Variants in CEACAM8 observed in about 807,000 individuals in gnomAD.
CEACAM8 encodes cell adhesion molecule CEACAM8.
In CEACAM8, 31 loss-of-function variants were observed where a neutral mutation model predicts 33.4. The ratio of observed to expected loss-of-function variants is 0.93; its 90% confidence interval spans 0.70 to 1.25. The LOEUF (loss-of-function observed/expected upper bound fraction) is 1.25. CEACAM8 is among the 50% of genes most tolerant of loss of function. The pLI is 0.00. For synonymous variants in CEACAM8, 138 were observed against 164.5 expected (o/e 0.84, Z 1.23); for missense variants, 388 against 434.6 (o/e 0.89, Z 0.95).
intron 4 of CEACAM8, among the ~76,000 whole-genome samples, chr19:42,586,305 T>C (rs1395944333): frequency 1.3e-5 from 2 of 151,672 alleles, no homozygotes; most frequent in Admixed American, 6.6e-5. Flanking sequence ...AAAGGAACCT[T>C]GAAAAAAAAA....
rs764085069 is a variant in CEACAM8, at chr19:42,588,960, G to T, written c.782C>A (p.Ala261Glu). 8 of 1,614,174 alleles carry T rather than the reference G, an allele frequency of 5.0e-6. No homozygotes were observed. The Middle Eastern group carries it at 8.2e-4, about 166-fold the overall frequency. The part of the protein sequence containing the change: ...AGVNLNLSCH[A>E]ASNPPSQYSW... ...ATACTGTGAGGGTGGATTAGAGGCC[G>T]CATGGCAGGAGAGGTTGAGATTTAC... Residue 261 changes from alanine (A) to glutamate (E), a missense_variant, in exon 4 of 6, where the codon GCG (alanine) becomes GAG (glutamate). Coordinates refer to ENST00000244336, the MANE Select transcript of CEACAM8 (RefSeq NM_001816.4).
In CEACAM8 at chr19:42,588,987, C is replaced by T. The variant is rs1339028140; in HGVS notation, c.755G>A (p.Gly252Glu). 2 of 1,614,006 alleles carry T rather than the reference C, an allele frequency of 1.2e-6. No individual in the cohort carries two copies. The highest frequency in any genetic ancestry group is 1.7e-6 in the Non-Finnish European group (2 of 1,180,012). Residue 252 changes from glycine to glutamate, a missense_variant, in exon 4 of 6, where the codon GGG becomes GAG. Transcript: ENST00000244336. ...ATGGCAGGAGAGGTTGAGATTTACC[C>T]CTGCATGGTAATAGGTGTCTGAAGG... is the stretch of plus-strand genomic sequence containing the variant. ...ISPSDTYYHA[G>E]VNLNLSCHAA...
At chr19:42,593,307 TC>T (rs977817261) in intron 2 of CEACAM8, among the ~76,000 whole-genome samples, 3 of 151,984 alleles carry the variant, frequency 2.0e-5, no homozygotes, top group African/African-American at 7.3e-5. Flanking sequence ...TTCTGCTGAG[TC>T]CCCCCATCAG....
chr19:42,589,159 AC>A (rs2042387965), intron 3 of CEACAM8, 121 bp from the exon 4 acceptor site: 1 of 1,246,118 alleles, frequency 8.0e-7, no homozygotes, highest in South Asian at 1.4e-5. Context: ...GTCCCAACCA[AC>A]CCCAACCAAA....
At position 42,583,329 on chromosome 19, in the gene CEACAM8, C is replaced by T. The variant is rs2042284962; in HGVS notation, c.967G>A (p.Val323Ile). ...VRMITVSDAL[V>I]QGSSPGLSAR... Reference sequence around the variant, plus strand: ...GAGAGGCCAGGAGAACTTCCTTGTACTAAAGCATCTGTCATGGAAAGAAAA... The same window carrying T: ...GAGAGGCCAGGAGAACTTCCTTGTATTAAAGCATCTGTCATGGAAAGAAAA... The change falls in exon 5 of 6, where the codon GTA becomes ATA. Residue 323 changes from valine (V) to isoleucine (I), a missense_variant. Val to Ile is a conservative substitution (Grantham distance 29). Coordinates refer to ENST00000244336, the MANE Select transcript of CEACAM8 (RefSeq NM_001816.4). The T allele has an allele frequency of 1.9e-6, 3 of 1,608,384 alleles. No homozygotes were observed. Among genetic ancestry groups the T allele is most frequent in the East Asian group, 4.5e-5 (2 of 44,824 alleles).
chr19:42,589,540 C>G lies in CEACAM8; in HGVS notation c.620G>C (p.Arg207Thr). 1 of 1,614,196 alleles carries G rather than the reference C, an allele frequency of 6.2e-7. No individual in the cohort carries two copies. Among genetic ancestry groups the G allele is most frequent in the Non-Finnish European group, 8.5e-7 (1 of 1,180,036 alleles). The change falls in exon 3 of 6, where the codon AGG becomes ACG. Residue 207 changes from arginine (R) to threonine (T), a missense_variant. Arg to Thr is a moderately conservative substitution (Grantham distance 71, BLOSUM62 -1). Transcript: ENST00000244336. ...NRTLTLLSVTRNDVGPYECEI... is the reference protein window; with the variant it reads ...NRTLTLLSVTTNDVGPYECEI... ...ACATTCATAGGGTCCTACGTCATTC[C>G]TTGTGACACTGAGTAGAGTGAGGGT...
At chr19:42,585,779 A>T (rs747603384) in intron 4 of CEACAM8, among the ~76,000 whole-genome samples, 5 of 152,192 alleles carry the variant, frequency 3.3e-5, no homozygotes, top group African/African-American at 1.2e-4. Flanking sequence ...AGACTTTCAG[A>T]TTGGAAAGAA....
chr19:42,594,696 TC>T, intron 1 of CEACAM8, 68 bp downstream of exon 1: 2 of 1,299,164 alleles, frequency 1.5e-6, no homozygotes, highest in South Asian at 1.2e-5. Flanking sequence ...AGCCCCGTCC[TC>T]CCCAGGAGAC....
chr19:42,587,580 A>AG (rs1242128011), intron 4 of CEACAM8, among the ~76,000 whole-genome samples: 2 of 152,234 alleles, frequency 1.3e-5, no homozygotes, highest in Non-Finnish European at 2.9e-5. Context: ...GGAGGTTGCC[A>AG]GGGGTTAGAG....
chr19:42,584,203 T>TAC (rs568291319), intron 4 of CEACAM8, among the ~76,000 whole-genome samples: 5,657 of 149,098 alleles, frequency 0.038, 122 homozygotes, highest in Middle Eastern at 0.059. Flanking sequence ...AGATACCTTT[T>TAC]ACACACACAC....
chr19:42,589,766 G>C (rs1413810430), intron 2 of CEACAM8, 31 bp from the exon 3 acceptor site: 1 of 1,613,572 alleles, frequency 6.2e-7, no homozygotes, highest in Non-Finnish European at 8.5e-7. Context: ...AGATTGCCCT[G>C]TGTGGCACCT....
At chr19:42,590,918 GTTTTGAA>G (rs1160364180) in intron 2 of CEACAM8, among the ~76,000 whole-genome samples, 2 of 152,204 alleles carry the variant, frequency 1.3e-5, no homozygotes, top group African/African-American at 4.8e-5. Flanking sequence ...GGCCAAAAGT[GTTTTGAA>G]TTTCTAACTT....
intron 4 of CEACAM8, 145 bp from the exon 5 acceptor site, chr19:42,583,482 G>C: frequency 1.5e-6 from 1 of 653,388 alleles, no homozygotes; most frequent in East Asian, 2.9e-5. Flanking sequence ...GCTGGGACGT[G>C]ATTAGCCAAC....
chr19:42,582,325 A>G (rs1187480525), intron 5 of CEACAM8, among the ~76,000 whole-genome samples: 1 of 151,820 alleles, frequency 6.6e-6, no homozygotes, highest in Non-Finnish European at 1.5e-5. Flanking sequence ...TGTGGCATTC[A>G]CTTTTTTCTA....
At chr19:42,592,875 C>G (rs1209624901) in intron 2 of CEACAM8, among the ~76,000 whole-genome samples, 2 of 152,196 alleles carry the variant, frequency 1.3e-5, no homozygotes, top group African/African-American at 4.8e-5. Context: ...TCTATGGAGT[C>G]TCCTAAGCCT....
chr19:42,593,301 G>T (rs533844792), intron 2 of CEACAM8, among the ~76,000 whole-genome samples: 2 of 152,184 alleles, frequency 1.3e-5, no homozygotes, highest in Non-Finnish European at 2.9e-5. Context: ...ATCTCCTTCT[G>T]CTGAGTCCCC....
Position 42,580,603 on chromosome 19 carries a change from T to A in CEACAM8, c.*791A>T, listed in dbSNP as rs1256147644. ...ACTTGTGCAAATAACTGAATTACCA[T>A]AAACATATGAATACTCATGAATAGT... On this transcript the variant is annotated 3_prime_UTR_variant, in exon 6 of 6. Transcript: ENST00000244336. 4 of 152,232 alleles carry A rather than the reference T, an allele frequency of 2.6e-5. No homozygotes were observed. Among genetic ancestry groups the A allele is most frequent in the African/African-American group, 9.7e-5 (4 of 41,444 alleles). The allele number at this position is 152,232 out of a possible 1,614,324, so 9.4% of individuals were successfully genotyped here. A position where few individuals can be genotyped will look rare whatever the true frequency, so the allele number is the denominator to read the frequency against.
intron 4 of CEACAM8, among the ~76,000 whole-genome samples, chr19:42,584,983 G>T (rs533289780): frequency 1.3e-5 from 2 of 152,200 alleles, no homozygotes; most frequent in Admixed American, 1.3e-4. Context: ...AGACAAGATG[G>T]AAATTACTAA....
At chr19:42,588,167 G>T (rs550193270) in intron 4 of CEACAM8, among the ~76,000 whole-genome samples, 1 of 152,150 alleles carries the variant, frequency 6.6e-6, no homozygotes, top group Admixed American at 6.5e-5. Context: ...CAGCCTGACT[G>T]GGGGGAGGCT....
Sources: allele counts gnomAD v4.1 joint callset (sites outside exome capture counted in the v4.1 genomes callset), GRCh38; gene constraint gnomAD v4.1.1; transcripts MANE v1.5; gene names NCBI Gene and HGNC (gene_info 2026-07-23, HGNC 2026-07-21).